The following RNF125 variants were observed in gnomAD, a reference collection of about 807,000 sequenced individuals.
RNF125 encodes the protein ring finger protein 125, also known as E3 ubiquitin-protein ligase RNF125.
RNF125 carries 21 observed loss-of-function variants against 26.0 expected under a neutral mutation model. That is an observed-to-expected ratio of 0.81 (90% CI 0.57 to 1.16). The LOEUF is 1.16. RNF125 is among the 50% of genes most tolerant of loss of function. RNF125 has a pLI of 0.00. For synonymous variants in RNF125, 95 were observed against 109.2 expected (o/e 0.87, Z 0.81); for missense variants, 270 against 299.4 (o/e 0.90, Z 0.72).
intron 4 of RNF125, among the ~76,000 whole-genome samples, chr18:32,065,530 C>A (rs893689740): frequency 6.6e-6 from 1 of 151,906 alleles, no homozygotes; most frequent in South Asian, 2.1e-4. Context: ...GCCACTGCAC[C>A]CCGTCTTGTT....
At chr18:32,050,803 C>T (rs979215456) in intron 4 of RNF125, among the ~76,000 whole-genome samples, 3 of 132,258 alleles carry the variant, frequency 2.3e-5, no homozygotes, top group Non-Finnish European at 4.7e-5. Context: ...GTATTTTATT[C>T]TGTAAAGGGA....
Position 32,065,966 on chromosome 18 carries a change from G to GAC in RNF125, c.571_572dup (p.Leu192IlefsTer14). The GAC allele has an allele frequency of 1.9e-6, 3 of 1,613,158 alleles. No homozygotes were observed. The highest frequency in any genetic ancestry group is 1.3e-5 in the African/African-American group (1 of 74,984). ...AGCAGCTTCAGTGGCAGTTTAATAA[G>GAC]ACATCTGCAAGTTAGTCACACTTTG... On this transcript the variant is annotated frameshift_variant, in exon 5 of 6. Transcript: ENST00000217740. LOFTEE classifies it high-confidence loss of function.
intron 4 of RNF125, among the ~76,000 whole-genome samples, chr18:32,063,982 TA>T (rs1441077715): frequency 2.6e-5 from 4 of 151,462 alleles, no homozygotes; most frequent in African/African-American, 7.3e-5. Flanking sequence ...TTTTTTTTTT[TA>T]ATCCATCAAG....
At chr18:32,040,626 T>C (rs1296143591) in intron 2 of RNF125, among the ~76,000 whole-genome samples, 1 of 152,158 alleles carries the variant, frequency 6.6e-6, no homozygotes, top group East Asian at 1.9e-4. Context: ...TTCTGTTAGA[T>C]TGTAAGCACC....
rs778742386 is a variant in RNF125, at chr18:32,072,268, A to G, written c.*3884A>G. The G allele has an allele frequency of 6.6e-6, 1 of 152,328 alleles. No individual in the cohort carries two copies. Among genetic ancestry groups the G allele is most frequent in the Middle Eastern group, 3.4e-3 (1 of 294 alleles). The allele number at this position is 152,328 out of a possible 1,614,324, so 9.4% of individuals were successfully genotyped here. ...TCTGTTGGGAAACGAGAAAAAGGAG[A>G]GGAATTTTTCAGGAATAATCATAAA... On this transcript the variant is annotated 3_prime_UTR_variant, in exon 6 of 6. Transcript: ENST00000217740.
chr18:32,031,347 T>C (rs2039091459), intron 1 of RNF125: 1 of 151,614 alleles, frequency 6.6e-6, no homozygotes, highest in Admixed American at 6.6e-5. Context: ...ATCAATAAAA[T>C]GAGGAGAAAG....
chr18:32,045,772 T>A (rs1261855971), intron 4 of RNF125, 40 bp downstream of exon 4: 1 of 1,248,006 alleles, frequency 8.0e-7, no homozygotes, highest in Admixed American at 1.8e-5. Context: ...AATGTCTGAA[T>A]TCAGGACACA....
chr18:32,082,938 C>A, the RNF125 span, among the ~76,000 whole-genome samples: 1 of 152,160 alleles, frequency 6.6e-6, no homozygotes, highest in African/African-American at 2.4e-5. Flanking sequence ...AATGTCCTTT[C>A]AGATGCTCCC....
chr18:32,027,994 C>A (rs796997860), intron 1 of RNF125, among the ~76,000 whole-genome samples: 7 of 151,866 alleles, frequency 4.6e-5, no homozygotes, highest in African/African-American at 1.7e-4. Context: ...GGTAGAAGCT[C>A]TCAGAAAGAA....
chr18:32,077,289 T>C (rs866303562), downstream of RNF125, among the ~76,000 whole-genome samples: 2 of 150,988 alleles, frequency 1.3e-5, no homozygotes, highest in African/African-American at 2.4e-5. Flanking sequence ...TGCCTGTGAA[T>C]AGCCACTGCA....
chr18:32,082,937 T>C, the RNF125 span, among the ~76,000 whole-genome samples: 14 of 152,170 alleles, frequency 9.2e-5, no homozygotes, highest in Non-Finnish European at 1.6e-4. Flanking sequence ...TAATGTCCTT[T>C]CAGATGCTCC....
rs147556999 is a variant in RNF125, at chr18:32,068,344, G to C, written c.659G>C (p.Arg220Pro). The C allele has an allele frequency of 3.8e-6, 6 of 1,599,666 alleles. No individual in the cohort carries two copies. Among genetic ancestry groups the C allele is most frequent in the Non-Finnish European group, 4.3e-6 (5 of 1,167,266 alleles). Reference sequence around the variant, plus strand: ...GCTCTTATCCGAAGAGTCTTAGACCGGTCACTTCTTGAATATGTGAATCAC... The same window carrying C: ...GCTCTTATCCGAAGAGTCTTAGACCCGTCACTTCTTGAATATGTGAATCAC... ...EEALIRRVLD[R>P]SLLEYVNHSN... The change falls in exon 6 of 6, where the codon CGG becomes CCG. Residue 220 changes from arginine to proline, a missense_variant. Arg to Pro is a moderately radical substitution (Grantham distance 103, BLOSUM62 -2). Coordinates refer to ENST00000217740, the MANE Select transcript of RNF125 (RefSeq NM_017831.4).
rs1210282350 is a variant in RNF125 at position 32,068,773 on chromosome 18, GGA to G, written c.*393_*394del. On this transcript the variant is annotated 3_prime_UTR_variant, in exon 6 of 6. Transcript: ENST00000217740. ...ATCTTTGTTCTGTGTAAAAAAATATGGAGAGTGAAACAAAGTGCAGACATTCA... is the reference window on the plus strand; with the variant it reads ...ATCTTTGTTCTGTGTAAAAAAATATGGAGTGAAACAAAGTGCAGACATTCA... 1 of 157,836 alleles carries G rather than the reference GGA, an allele frequency of 6.3e-6. No individual in the cohort carries two copies. Among genetic ancestry groups the G allele is most frequent in the Non-Finnish European group, 1.4e-5 (1 of 71,902 alleles). The allele number at this position is 157,836 out of a possible 1,614,324, so 9.8% of individuals were successfully genotyped here. A position where few individuals can be genotyped will look rare whatever the true frequency, so the allele number is the denominator to read the frequency against.
intron 1 of RNF125, 21 bp from the exon 2 acceptor site, chr18:32,037,095 T>A: frequency 6.4e-7 from 1 of 1,573,122 alleles, no homozygotes; most frequent in Non-Finnish European, 8.6e-7. Flanking sequence ...AAGTGATGTA[T>A]TTTTGGTCTG....
chr18:32,073,444 A>G (rs771967013), downstream of RNF125, among the ~76,000 whole-genome samples: 1 of 152,220 alleles, frequency 6.6e-6, no homozygotes, highest in Non-Finnish European at 1.5e-5. Flanking sequence ...GATGCTGTTC[A>G]GCATTCTACA....
At chr18:32,050,771 TGA>T (rs2039316120) in intron 4 of RNF125, among the ~76,000 whole-genome samples, 1 of 150,732 alleles carries the variant, frequency 6.6e-6, no homozygotes, top group Admixed American at 6.7e-5. Flanking sequence ...ATAACATTAA[TGA>T]GACCACTTTT....
intron 1 of RNF125, among the ~76,000 whole-genome samples, chr18:32,024,112 A>G (rs112144621): frequency 0.012 from 1,881 of 151,198 alleles, 44 homozygotes; most frequent in African/African-American, 0.043. Context: ...TATTCTTTCA[A>G]TTTGAAACAA....
At chr18:32,055,109 C>CAACG (rs2039367270) in intron 4 of RNF125, among the ~76,000 whole-genome samples, 1 of 151,828 alleles carries the variant, frequency 6.6e-6, no homozygotes, top group Non-Finnish European at 1.5e-5. Flanking sequence ...CCAGCCTGGG[C>CAACG]AACGGAGCAA....
chr18:32,077,363 A>G (rs1417323492), downstream of RNF125, among the ~76,000 whole-genome samples: 1 of 132,418 alleles, frequency 7.6e-6, no homozygotes, highest in African/African-American at 2.9e-5. Context: ...TTTTTGAGAC[A>G]TGTAATCCCA....
Sources: gnomAD v4.1 joint callset for allele counts (sites outside exome capture counted in the v4.1 genomes callset) on GRCh38, gnomAD v4.1.1 for gene constraint, MANE v1.5 for transcripts, NCBI Gene and HGNC (gene_info 2026-07-23, HGNC 2026-07-21) for gene names.